The following KIF16B variants were observed in gnomAD, a reference collection of about 807,000 sequenced individuals.
The protein encoded by KIF16B is kinesin-like protein KIF16B.
A neutral mutation model predicts 156.3 loss-of-function variants in KIF16B; 98 were observed. The observed-to-expected ratio is 0.63, with a 90% CI of 0.53 to 0.74. The LOEUF (loss-of-function observed/expected upper bound fraction) is 0.74. Ranked by LOEUF, KIF16B falls within the 30% of genes least tolerant of loss-of-function variation. The pLI, the probability that KIF16B is intolerant of heterozygous loss-of-function variation, is 0.00. For synonymous variants in KIF16B, 564 were observed against 583.7 expected (o/e 0.97, Z 0.49); for missense variants, 1,421 against 1,606.5 (o/e 0.88, Z 1.97).
rs540942134 is a variant in KIF16B, at chr20:16,569,886, C to A, written c.47+3343G>T. Among the ~76,000 whole-genome samples the A allele has an allele frequency of 1.3e-4, 20 of 152,262 alleles. No individual in the cohort carries two copies. The South Asian group carries it at 3.9e-3, about 30-fold the overall frequency. On this transcript the variant is annotated intron_variant, in intron 1 of 25. Transcript: ENST00000354981. The stretch of plus-strand genomic sequence containing the variant: ...AAACAGTAAAAAAAAAGCCTTTCAT[C>A]TTTGCCTAATGGATTCATCATCAGT...
intron 25 of KIF16B, among the ~76,000 whole-genome samples, chr20:16,308,552 T>G (rs1159028932): frequency 6.6e-6 from 1 of 152,226 alleles, no homozygotes; most frequent in Non-Finnish European, 1.5e-5. Flanking sequence ...GCTTTGCCAC[T>G]TACTACCTTT....
chr20:16,558,454 C>T lies in KIF16B; in HGVS notation c.47+14775G>A, dbSNP rs528792818. Among the ~76,000 whole-genome samples the T allele has an allele frequency of 2.8e-4, 42 of 152,324 alleles. 1 individual carries two copies. Among genetic ancestry groups the T allele is most frequent in the African/African-American group, 9.9e-4 (41 of 41,574 alleles). On this transcript the variant is annotated intron_variant, in intron 1 of 25. Transcript: ENST00000354981. ...GCCTCCTCCACCCTCTCCCCTCTTC[C>T]GCTGGCTAAGCAGAGAAGACTGTGA...
intron 15 of KIF16B, 54 bp from the exon 16 acceptor site, chr20:16,406,510 C>G (rs547189090): frequency 2.9e-6 from 4 of 1,401,038 alleles, no homozygotes; most frequent in African/African-American, 2.8e-5. Flanking sequence ...TGGTCAGTTG[C>G]CAATACCATA....
chr20:16,485,888 C>T (rs2068099875), intron 12 of KIF16B, among the ~76,000 whole-genome samples: 1 of 151,930 alleles, frequency 6.6e-6, no homozygotes, highest in Non-Finnish European at 1.5e-5. Context: ...CATATATATA[C>T]ACACATATAT....
intron 1 of KIF16B, among the ~76,000 whole-genome samples, chr20:16,564,375 A>T (rs1360467979): frequency 6.6e-6 from 1 of 152,196 alleles, no homozygotes; most frequent in Non-Finnish European, 1.5e-5. Context: ...TGCTATTGTG[A>T]ATAGTGCCGC....
intron 12 of KIF16B, among the ~76,000 whole-genome samples, chr20:16,477,664 T>C (rs2067858093): frequency 6.6e-6 from 1 of 152,166 alleles, no homozygotes. Context: ...TTTTAGGTCT[T>C]TGTTTAGGTT....
At chr20:16,395,019 C>A (rs2065456958) in intron 17 of KIF16B, among the ~76,000 whole-genome samples, 1 of 151,320 alleles carries the variant, frequency 6.6e-6, no homozygotes, top group African/African-American at 2.4e-5. Flanking sequence ...AAACAACAAA[C>A]TAGATTCTAT....
chr20:16,360,961 T>C (rs2064540886), intron 22 of KIF16B, among the ~76,000 whole-genome samples: 1 of 152,300 alleles, frequency 6.6e-6, no homozygotes, highest in African/African-American at 2.4e-5. Flanking sequence ...CATTAACAGT[T>C]GTCCCTAAAC....
intron 1 of KIF16B, among the ~76,000 whole-genome samples, chr20:16,548,425 A>C (rs2070496228): frequency 6.6e-6 from 1 of 152,216 alleles, no homozygotes; most frequent in Non-Finnish European, 1.5e-5. Flanking sequence ...GTACTGGTCT[A>C]TGGGCAGTAA....
At chr20:16,565,454 T>C (rs1225583369) in intron 1 of KIF16B, among the ~76,000 whole-genome samples, 2 of 152,194 alleles carry the variant, frequency 1.3e-5, no homozygotes, top group Non-Finnish European at 2.9e-5. Context: ...GTCTCACTGA[T>C]ACCCAGTTGT....
chr20:16,377,852 T>C (rs1600240857), intron 19 of KIF16B, among the ~76,000 whole-genome samples: 1 of 152,194 alleles, frequency 6.6e-6, no homozygotes, highest in Admixed American at 6.5e-5. Flanking sequence ...CTGGTAAGTA[T>C]GGTGACAGAA....
intron 1 of KIF16B, among the ~76,000 whole-genome samples, chr20:16,550,926 A>AT (rs1410060262): frequency 6.6e-6 from 1 of 152,166 alleles, no homozygotes; most frequent in African/African-American, 2.4e-5. Flanking sequence ...CATATTTAAA[A>AT]TAATATTTTA....
intron 1 of KIF16B, among the ~76,000 whole-genome samples, chr20:16,561,016 G>A (rs6034532): frequency 0.34 from 51,232 of 151,772 alleles, 8,677 homozygotes; most frequent in African/African-American, 0.35. Flanking sequence ...GAGGCCGGGC[G>A]CAGTGGCTCA....
chr20:16,480,050 T>C (rs2067935823), intron 12 of KIF16B, among the ~76,000 whole-genome samples: 1 of 152,194 alleles, frequency 6.6e-6, no homozygotes, highest in South Asian at 2.1e-4. Flanking sequence ...TAATGTGTTT[T>C]TCTTCACCTG....
intron 25 of KIF16B, among the ~76,000 whole-genome samples, chr20:16,282,884 G>A (rs1031385779): frequency 2.6e-5 from 4 of 152,258 alleles, no homozygotes; most frequent in South Asian, 4.1e-4. Context: ...ATACACAATC[G>A]TTGGTCAAAT....
intron 12 of KIF16B, among the ~76,000 whole-genome samples, chr20:16,467,712 TA>T (rs2067532994): frequency 8.0e-6 from 1 of 125,126 alleles, no homozygotes; most frequent in African/African-American, 3.3e-5. Context: ...AAAGTTTTAA[TA>T]GGGGGGAAAA....
intron 12 of KIF16B, among the ~76,000 whole-genome samples, chr20:16,440,744 C>A (rs1239730189): frequency 1.3e-5 from 2 of 152,066 alleles, no homozygotes. Context: ...ATTAATACTG[C>A]CCTTTTAATG....
At chr20:16,398,952 AT>A (rs1430863260) in intron 17 of KIF16B, among the ~76,000 whole-genome samples, 1 of 152,204 alleles carries the variant, frequency 6.6e-6, no homozygotes, top group Non-Finnish European at 1.5e-5. Flanking sequence ...GGAAGCAAAC[AT>A]TTAATAGACA....
chr20:16,567,650 T>A (rs1341951962), intron 1 of KIF16B, among the ~76,000 whole-genome samples: 2 of 152,130 alleles, frequency 1.3e-5, no homozygotes. Flanking sequence ...GAAATGCAAT[T>A]GCCAAGGTAA....
Sources: gnomAD v4.1 joint callset for allele counts (sites outside exome capture counted in the v4.1 genomes callset) on GRCh38, gnomAD v4.1.1 for gene constraint, MANE v1.5 for transcripts, NCBI Gene and HGNC (gene_info 2026-07-23, HGNC 2026-07-21) for gene names.